SULT1E1: variants seen among roughly 807,000 people sequenced by gnomAD.
SULT1E1 encodes the protein sulfotransferase family 1E member 1.
A neutral mutation model predicts 33.6 loss-of-function variants in SULT1E1; 36 were observed. The observed-to-expected ratio is 1.07, with a 90% CI of 0.82 to 1.41. The LOEUF (loss-of-function observed/expected upper bound fraction) is 1.41, where lower values mean the gene tolerates loss of function less well. Among genes scored for constraint, SULT1E1 ranks in the 40% most tolerant of loss-of-function variants. The pLI, the probability that SULT1E1 is intolerant of heterozygous loss-of-function variation, is 0.00. For synonymous variants in SULT1E1, 121 were observed against 111.7 expected (o/e 1.08, Z -0.53); for missense variants, 371 against 345.7 (o/e 1.07, Z -0.58).
intron 4 of SULT1E1, among the ~76,000 whole-genome samples, chr4:69,851,662 G>C (rs28782803): frequency 0.22 from 33,789 of 152,068 alleles, 4,586 homozygotes; most frequent in Non-Finnish European, 0.31. Context: ...CTACTATAAA[G>C]ACACATGAAC....
intron 2 of SULT1E1, 41 bp downstream of exon 2, chr4:69,857,455 GTGTT>G: frequency 1.3e-6 from 2 of 1,567,826 alleles, no homozygotes; most frequent in Non-Finnish European, 1.7e-6. Flanking sequence ...CATTTACAGT[GTGTT>G]TGTTATTTTT....
At chr4:69,842,193 T>G in intron 7 of SULT1E1, 87 bp from the exon 8 acceptor site, 1 of 711,216 alleles carries the variant, frequency 1.4e-6, no homozygotes, top group Non-Finnish European at 2.4e-6. Flanking sequence ...CATTAACACC[T>G]AATCAAATAT....
At chr4:69,849,775 A>G (rs965241324) in intron 4 of SULT1E1, among the ~76,000 whole-genome samples, 1 of 152,032 alleles carries the variant, frequency 6.6e-6, no homozygotes, top group Non-Finnish European at 1.5e-5. Flanking sequence ...TGTTCTCACT[A>G]CAAACAGAAC....
chr4:69,847,462 T>C (rs1435721267), intron 6 of SULT1E1, among the ~76,000 whole-genome samples: 1 of 151,630 alleles, frequency 6.6e-6, no homozygotes, highest in African/African-American at 2.4e-5. Flanking sequence ...TTCTTTCAAA[T>C]TTTTTCTTTG....
At chr4:69,848,119 G>A (rs35426695) in intron 5 of SULT1E1, among the ~76,000 whole-genome samples, 2 of 148,978 alleles carry the variant, frequency 1.3e-5, no homozygotes, top group East Asian at 3.9e-4. Flanking sequence ...TGTGTGTGTA[G>A]AATCAAATTG....
At chr4:69,853,520 T>C (rs3775774) in intron 4 of SULT1E1, among the ~76,000 whole-genome samples, 41,256 of 152,102 alleles carry the variant, frequency 0.27, 6,097 homozygotes, top group South Asian at 0.43. Context: ...GTCATCACAC[T>C]GATACATCAT....
the SULT1E1 span, among the ~76,000 whole-genome samples, chr4:69,821,378 A>G: frequency 6.6e-6 from 1 of 152,166 alleles, no homozygotes; most frequent in Non-Finnish European, 1.5e-5. Context: ...CATACACTAT[A>G]CCTTATAAAA....
downstream of SULT1E1, among the ~76,000 whole-genome samples, chr4:69,837,151 A>G (rs185038320): frequency 6.6e-6 from 1 of 152,134 alleles, no homozygotes; most frequent in African/African-American, 2.4e-5. Flanking sequence ...TTGAGCATCT[A>G]CTATGGATCT....
chr4:69,853,833 A>G (rs976453657), intron 4 of SULT1E1, among the ~76,000 whole-genome samples: 1 of 152,194 alleles, frequency 6.6e-6, no homozygotes, highest in Non-Finnish European at 1.5e-5. Context: ...GATATTCAAT[A>G]CAATTAGTAA....
Position 69,853,700 on chromosome 4 carries a change from C to G in SULT1E1, c.369+517G>C, listed in dbSNP as rs3775773. ...AGACAAGGCTTGCATGTGTCTTACT[C>G]TTATGTCCCTAACACATAATAGGCA... is the stretch of plus-strand genomic sequence containing the variant. On this transcript the variant is annotated intron_variant, in intron 4 of 7. Transcript: ENST00000226444. Among the ~76,000 whole-genome samples the G allele has an allele frequency of 3.9e-4, 59 of 152,256 alleles. No individual in the cohort carries two copies. In the East Asian group the frequency reaches 0.011, roughly 29 times the overall value.
In SULT1E1 at chr4:69,857,227, T is replaced by A. The variant is rs148618239; in HGVS notation, c.145+273A>T. 2.8e-3 allele frequency among the ~76,000 whole-genome samples: 421 copies of A among 152,308 alleles called. 3 individuals carry two copies. The highest frequency in any genetic ancestry group is 9.5e-3 in the African/African-American group (395 of 41,574). On this transcript the variant is annotated intron_variant, in intron 2 of 7. Coordinates refer to ENST00000226444, the MANE Select transcript of SULT1E1 (RefSeq NM_005420.3). ...ACATAAGGTAAACAGTTGGTAGTTT[T>A]AAATTTTCATTATGGGATGAATACA...
chr4:69,828,298 T>C, the SULT1E1 span, among the ~76,000 whole-genome samples: 1 of 152,224 alleles, frequency 6.6e-6, no homozygotes, highest in Non-Finnish European at 1.5e-5. Context: ...CAATAAATCT[T>C]GCTGCCACTC....
At chr4:69,844,440 G>A (rs1720936247) in intron 6 of SULT1E1, 99 bp from the exon 7 acceptor site, 1 of 853,226 alleles carries the variant, frequency 1.2e-6, no homozygotes, top group Non-Finnish European at 1.7e-6. Context: ...TTCTCCTACT[G>A]ATATTAGAAT....
chr4:69,854,451 A>C (rs4149532), intron 3 of SULT1E1, 137 bp from the exon 4 acceptor site: 5,957 of 570,028 alleles, frequency 0.01, 137 homozygotes, highest in East Asian at 0.073. Context: ...CAAAGTATAA[A>C]TTCTTGAGGG....
At chr4:69,846,296 C>G in intron 6 of SULT1E1, among the ~76,000 whole-genome samples, 1 of 33,196 alleles carries the variant, frequency 3.0e-5, no homozygotes, top group African/African-American at 1.2e-4. Context: ...CCCACATAAA[C>G]AAAACAATCA....
the SULT1E1 span, among the ~76,000 whole-genome samples, chr4:69,832,368 C>T: frequency 1.3e-5 from 2 of 152,122 alleles, no homozygotes; most frequent in African/African-American, 4.8e-5. Context: ...GGCTGGCGCA[C>T]CAGAAATGTT....
downstream of SULT1E1, among the ~76,000 whole-genome samples, chr4:69,840,785 G>A (rs992710576): frequency 2.8e-4 from 43 of 152,168 alleles, no homozygotes; most frequent in African/African-American, 9.4e-4. Context: ...GGTGGCTCAC[G>A]CCTGTAATCC....
At chr4:69,856,316 A>T (rs1260463443) in intron 2 of SULT1E1, among the ~76,000 whole-genome samples, 1 of 152,210 alleles carries the variant, frequency 6.6e-6, no homozygotes, top group Admixed American at 6.5e-5. Context: ...AAAAATCATG[A>T]AAAGGTACTG....
intron 3 of SULT1E1, 43 bp downstream of exon 3, chr4:69,855,258 T>C (rs1236171387): frequency 2.5e-6 from 4 of 1,586,064 alleles, no homozygotes; most frequent in Middle Eastern, 4.1e-4. Flanking sequence ...ATACACACCT[T>C]AGAATATATG....
Sources: gnomAD v4.1 joint callset for allele counts (sites outside exome capture counted in the v4.1 genomes callset) on GRCh38, gnomAD v4.1.1 for gene constraint, MANE v1.5 for transcripts, NCBI Gene and HGNC (gene_info 2026-07-23, HGNC 2026-07-21) for gene names.